Variants in PKNOX2 observed in about 807,000 individuals in gnomAD.
The protein encoded by PKNOX2 is homeobox protein PKNOX2.
A neutral mutation model predicts 53.1 loss-of-function variants in PKNOX2; 14 were observed. The ratio of observed to expected loss-of-function variants is 0.26; its 90% confidence interval spans 0.17 to 0.41. PKNOX2 has a LOEUF of 0.41. Among genes scored for constraint, PKNOX2 ranks in the 10% least tolerant of loss-of-function variants. The probability of loss-of-function intolerance (pLI) is 1.00; values close to 1 mark genes in which losing one functional copy is unlikely to be tolerated. For missense variants in PKNOX2, 496 were observed against 602.8 expected, an observed-to-expected ratio of 0.82 and a Z score of 1.85; for synonymous variants, 257 against 242.8, an observed-to-expected ratio of 1.06 and a Z score of -0.54.
chr11:125,377,569 G>T (rs1347009049), intron 5 of PKNOX2, among the ~76,000 whole-genome samples: 1 of 152,174 alleles, frequency 6.6e-6, no homozygotes. Flanking sequence ...GCTGCTGAAG[G>T]ACAGTAGTGA....
chr11:125,243,129 T>C (rs1943285600), intron 2 of PKNOX2, among the ~76,000 whole-genome samples: 1 of 152,274 alleles, frequency 6.6e-6, no homozygotes, highest in South Asian at 2.1e-4. Context: ...AGGTTATTAC[T>C]ATAATGGTTA....
chr11:125,385,952 A>C (rs531506271), intron 6 of PKNOX2, among the ~76,000 whole-genome samples: 186 of 152,344 alleles, frequency 1.2e-3, no homozygotes, highest in African/African-American at 4.2e-3. Flanking sequence ...ATCTATGCCC[A>C]GGGTGGCACT....
chr11:125,200,639 C>T (rs988484407), intron 1 of PKNOX2, among the ~76,000 whole-genome samples: 7 of 152,214 alleles, frequency 4.6e-5, no homozygotes, highest in Admixed American at 2.0e-4. Flanking sequence ...ACTGAAGCCA[C>T]AGCCGTCACC....
At chr11:125,303,578 A>G (rs1029516988) in intron 2 of PKNOX2, among the ~76,000 whole-genome samples, 10 of 151,896 alleles carry the variant, frequency 6.6e-5, no homozygotes, top group Admixed American at 6.5e-4. Context: ...ATTCCTGTCA[A>G]CTCCAAGGTT....
intron 1 of PKNOX2, among the ~76,000 whole-genome samples, chr11:125,223,491 A>G (rs1941411616): frequency 6.6e-6 from 1 of 152,066 alleles, no homozygotes; most frequent in Admixed American, 6.5e-5. Flanking sequence ...CGGCCTCCCA[A>G]AGTCTTGGGA....
chr11:125,430,224 A>G, intron 12 of PKNOX2, 83 bp downstream of exon 12: 1 of 1,483,382 alleles, frequency 6.7e-7, no homozygotes, highest in Non-Finnish European at 9.1e-7. Flanking sequence ...GCAAAGATTC[A>G]AGGGCTATCT....
At chr11:125,368,448 C>T (rs1249524783) in intron 5 of PKNOX2, among the ~76,000 whole-genome samples, 1 of 152,204 alleles carries the variant, frequency 6.6e-6, no homozygotes, top group African/African-American at 2.4e-5. Context: ...TGGTTTTGGG[C>T]TTCATCCTCA....
intron 1 of PKNOX2, among the ~76,000 whole-genome samples, chr11:125,215,238 T>C (rs919631510): frequency 2.6e-5 from 4 of 151,980 alleles, no homozygotes; most frequent in African/African-American, 4.8e-5. Flanking sequence ...GCAGTAATCA[T>C]TGGTTTTCTA....
chr11:125,330,108 C>T (rs779942576), intron 2 of PKNOX2, among the ~76,000 whole-genome samples: 1 of 151,930 alleles, frequency 6.6e-6, no homozygotes, highest in Non-Finnish European at 1.5e-5. Flanking sequence ...GAAGGAGGAG[C>T]ATGGAGGGGA....
In PKNOX2 at chr11:125,351,289, C is replaced by T. The variant is rs1198589521; in HGVS notation, c.-17C>T. 3.3e-6 allele frequency: 5 copies of T among 1,532,284 alleles called. No homozygotes were observed. In the East Asian group the frequency reaches 6.8e-5, roughly 21 times the overall value. The allele number at this position is 1,532,284 out of a possible 1,614,324, so 94.9% of individuals were successfully genotyped here. On this transcript the variant is annotated 5_prime_UTR_variant, in exon 4 of 13. Coordinates refer to ENST00000298282, the MANE Select transcript of PKNOX2 (RefSeq NM_001382323.2). ...CCCCTTTCTCCTGCCCACAGGTCCT[C>T]CATGTGAATCAATCCCATGATGCAA...
intron 2 of PKNOX2, among the ~76,000 whole-genome samples, chr11:125,305,743 G>A (rs995203315): frequency 6.6e-6 from 1 of 152,320 alleles, no homozygotes; most frequent in East Asian, 1.9e-4. Context: ...GGAGGGGAGA[G>A]AAGAGGCAAA....
intron 2 of PKNOX2, among the ~76,000 whole-genome samples, chr11:125,284,455 T>C (rs1180145059): frequency 1.3e-5 from 2 of 152,178 alleles, no homozygotes; most frequent in Admixed American, 1.3e-4. Flanking sequence ...ACACAAGAAA[T>C]AGCATCGCCA....
intron 2 of PKNOX2, among the ~76,000 whole-genome samples, chr11:125,249,807 C>T (rs537251670): frequency 1.4e-4 from 21 of 152,078 alleles, no homozygotes; most frequent in Admixed American, 2.6e-4. Flanking sequence ...CGGTAGCTCA[C>T]GCCTGTAATC....
chr11:125,181,344 C>T (rs1354882699), intron 1 of PKNOX2, among the ~76,000 whole-genome samples: 3 of 152,208 alleles, frequency 2.0e-5, no homozygotes, highest in Non-Finnish European at 4.4e-5. Flanking sequence ...AGAGTGAGGT[C>T]AAGGGAGGAG....
At chr11:125,188,133 A>G (rs1956566395) in intron 1 of PKNOX2, 1 of 152,212 alleles carries the variant, frequency 6.6e-6, no homozygotes, top group Non-Finnish European at 1.5e-5. Context: ...ATGAATGCTA[A>G]GAGAGTGAGG....
chr11:125,165,131 C>T lies in PKNOX2; in HGVS notation c.-201+355C>T, dbSNP rs1340904953. On this transcript the variant is annotated intron_variant, in intron 1 of 12. Coordinates refer to ENST00000298282, the MANE Select transcript of PKNOX2 (RefSeq NM_001382323.2). This position sits in a 1 kb window ranked among gnomAD's most constrained non-coding sequence, Gnocchi z 4.5. ...CCCGCGGGCCGCCCGCTCCCCTGCC[C>T]GGCCAGCGCTCAGCCCCGCCGCCGC... Among the ~76,000 whole-genome samples the T allele has an allele frequency of 6.7e-6, 1 of 148,386 alleles. No homozygotes were observed. Among genetic ancestry groups the T allele is most frequent in the African/African-American group, 2.4e-5 (1 of 41,000 alleles).
At chr11:125,414,746 GA>G (rs5795453) in intron 10 of PKNOX2, among the ~76,000 whole-genome samples, 60,329 of 145,648 alleles carry the variant, frequency 0.41, 12,278 homozygotes, top group Middle Eastern at 0.52. Flanking sequence ...CTATTTCTTT[GA>G]AAAAAAAAAA....
intron 1 of PKNOX2, among the ~76,000 whole-genome samples, chr11:125,227,749 TA>T (rs1941831913): frequency 6.6e-6 from 1 of 152,224 alleles, no homozygotes; most frequent in African/African-American, 2.4e-5. Flanking sequence ...TTATAGTATG[TA>T]AAAAGTGGAG....
chr11:125,229,222 G>A (rs1489954457), intron 1 of PKNOX2, among the ~76,000 whole-genome samples: 1 of 152,076 alleles, frequency 6.6e-6, no homozygotes, highest in African/African-American at 2.4e-5. Flanking sequence ...ATACTGCTCA[G>A]CAGGCAGCAT....
Sources: allele counts gnomAD v4.1 joint callset (sites outside exome capture counted in the v4.1 genomes callset), GRCh38; gene constraint gnomAD v4.1.1; non-coding constraint Gnocchi (gnomAD v3.1); transcripts MANE v1.5; gene names NCBI Gene and HGNC (gene_info 2026-07-23, HGNC 2026-07-21).